RARS2: variants seen among roughly 807,000 people sequenced by gnomAD.
RARS2 encodes the protein probable arginine--tRNA ligase, mitochondrial.
In RARS2, 67 loss-of-function variants were observed where a neutral mutation model predicts 88.5. That is an observed-to-expected ratio of 0.76 (90% CI 0.62 to 0.93). The LOEUF (loss-of-function observed/expected upper bound fraction) is 0.93, where lower values mean the gene tolerates loss of function less well. Ranked by LOEUF, RARS2 falls within the 40% of genes least tolerant of loss-of-function variation. The pLI is 0.00. For synonymous variants in RARS2, 239 were observed against 230.3 expected (o/e 1.04, Z -0.34); for missense variants, 664 against 684.2 (o/e 0.97, Z 0.33).
chr6:87,555,359 C>A (rs769432110), intron 5 of RARS2, 49 bp downstream of exon 5: 11 of 1,420,994 alleles, frequency 7.7e-6, no homozygotes, highest in Non-Finnish European at 6.0e-6. Flanking sequence ...TAACACTCCT[C>A]TGCCCAGTCA....
chr6:87,568,175 T>C (rs544793380), intron 2 of RARS2, among the ~76,000 whole-genome samples: 1 of 152,324 alleles, frequency 6.6e-6, no homozygotes, highest in African/African-American at 2.4e-5. Context: ...GTTCAGCTTA[T>C]TAAAGACCTT....
chr6:87,550,762 G>A lies in RARS2; in HGVS notation c.396-2116C>T, dbSNP rs114583846. Among the ~76,000 whole-genome samples, 604 of 143,440 alleles carry A rather than the reference G, an allele frequency of 4.2e-3. 3 individuals are homozygous for A. Among genetic ancestry groups the A allele is most frequent in the African/African-American group, 0.014 (562 of 38,814 alleles). The allele number at this position is 143,440 out of a possible 152,430, so 94.1% of individuals were successfully genotyped here. A position where few individuals can be genotyped will look rare whatever the true frequency, so the allele number is the denominator to read the frequency against. ...ATGGAACAATAAAAATAATAAGCCA[G>A]CCCTGGATGCATTCATATTAAAGGA... On this transcript the variant is annotated intron_variant, in intron 5 of 19. Coordinates refer to ENST00000369536, the MANE Select transcript of RARS2 (RefSeq NM_020320.5).
chr6:87,574,664 G>A lies in RARS2; in HGVS notation c.37-5074C>T, dbSNP rs374918621. Among the ~76,000 whole-genome samples, 6 of 152,134 alleles carry A rather than the reference G, an allele frequency of 3.9e-5. No homozygotes were observed. In the East Asian group the frequency reaches 1.2e-3, roughly 29 times the overall value. ...ACAGATCAAAGAACTCTGCCCAGGA[G>A]AAAAATGTAACCCAATGAATACGAA... On this transcript the variant is annotated intron_variant, in intron 1 of 19. Coordinates refer to ENST00000369536, the MANE Select transcript of RARS2 (RefSeq NM_020320.5).
At chr6:87,556,027 G>A (rs1785761143) in intron 4 of RARS2, among the ~76,000 whole-genome samples, 1 of 152,202 alleles carries the variant, frequency 6.6e-6, no homozygotes, top group South Asian at 2.1e-4. Flanking sequence ...CCACTTCACA[G>A]TTAACCTGTT....
At chr6:87,575,879 T>TGATC (rs1420138024) in intron 1 of RARS2, among the ~76,000 whole-genome samples, 1 of 151,278 alleles carries the variant, frequency 6.6e-6, no homozygotes, top group East Asian at 1.9e-4. Context: ...GGCAATGGTG[T>TGATC]GATCGCTCAC....
At chr6:87,562,877 CAAGT>C in intron 3 of RARS2, 92 bp from the exon 4 acceptor site, 2 of 927,202 alleles carry the variant, frequency 2.2e-6, no homozygotes, top group Non-Finnish European at 3.6e-6. Flanking sequence ...TACAAAGACA[CAAGT>C]AAGTCATCTT....
intron 1 of RARS2, among the ~76,000 whole-genome samples, chr6:87,573,715 A>G (rs1770528360): frequency 6.6e-6 from 1 of 152,192 alleles, no homozygotes; most frequent in African/African-American, 2.4e-5. Context: ...AAAAACCAAG[A>G]AGACTTCCGG....
chr6:87,568,760 A>G (rs1178920914), intron 2 of RARS2, among the ~76,000 whole-genome samples: 2 of 152,332 alleles, frequency 1.3e-5, no homozygotes, highest in African/African-American at 2.4e-5. Context: ...TCTGAGAAGA[A>G]TATTCATTCT....
At chr6:87,566,849 CA>C (rs36032606) in intron 2 of RARS2, among the ~76,000 whole-genome samples, 2,067 of 60,128 alleles carry the variant, frequency 0.034, 49 homozygotes, top group African/African-American at 0.12. Context: ...GGTCCTGTCT[CA>C]AAAAAAAAAA....
intron 8 of RARS2, among the ~76,000 whole-genome samples, chr6:87,533,036 A>G (rs1350057267): frequency 1.3e-5 from 2 of 152,198 alleles, no homozygotes; most frequent in Admixed American, 6.5e-5. Context: ...ACATACATAC[A>G]TGTGCACACA....
At chr6:87,521,602 G>A in intron 11 of RARS2, 78 bp from the exon 12 acceptor site, 3 of 1,084,568 alleles carry the variant, frequency 2.8e-6, no homozygotes, top group Non-Finnish European at 2.8e-6. Context: ...TAATAGCAAT[G>A]AGCATTTTCT....
chr6:87,550,946 G>A (rs1266140378), intron 5 of RARS2, among the ~76,000 whole-genome samples: 1 of 151,992 alleles, frequency 6.6e-6, no homozygotes, highest in East Asian at 1.9e-4. Context: ...CTGAGATGGG[G>A]AAGAGCTTTC....
chr6:87,521,452 C>T lies in RARS2; in HGVS notation c.1035+12G>A, dbSNP rs1224739046. ...AGTTAAGAGATCATAACTTTTTGTT[C>T]TGATTACTTACCACATATATCATTG... On this transcript the variant is annotated intron_variant, in intron 12 of 19. Transcript: ENST00000369536. 6.3e-7 allele frequency: 1 copy of T among 1,575,436 alleles called. No homozygotes were observed. The highest frequency in any genetic ancestry group is 8.7e-7 in the Non-Finnish European group (1 of 1,145,716).
chr6:87,563,410 G>C (rs1255196384), intron 3 of RARS2, among the ~76,000 whole-genome samples: 2 of 152,160 alleles, frequency 1.3e-5, no homozygotes, highest in African/African-American at 4.8e-5. Context: ...ATCTGGGAGT[G>C]ATTTTCTGAT....
intron 10 of RARS2, 56 bp downstream of exon 10, chr6:87,529,486 C>T: frequency 8.9e-7 from 1 of 1,124,706 alleles, no homozygotes; most frequent in Non-Finnish European, 1.4e-6. Flanking sequence ...AAGGATACAT[C>T]AATAACAATT....
At chr6:87,548,248 C>CA (rs1426146814) in intron 6 of RARS2, among the ~76,000 whole-genome samples, 1 of 151,978 alleles carries the variant, frequency 6.6e-6, no homozygotes, top group Non-Finnish European at 1.5e-5. Context: ...AATAAATGAA[C>CA]AAAAAAATCT....
At chr6:87,549,127 G>C (rs1180652773) in intron 5 of RARS2, among the ~76,000 whole-genome samples, 1 of 152,090 alleles carries the variant, frequency 6.6e-6, no homozygotes, top group Admixed American at 6.6e-5. Flanking sequence ...GGCCGAGGCA[G>C]ATGGATCACT....
intron 4 of RARS2, among the ~76,000 whole-genome samples, chr6:87,558,367 C>T (rs921202505): frequency 6.6e-6 from 1 of 152,144 alleles, no homozygotes; most frequent in Non-Finnish European, 1.5e-5. Flanking sequence ...AACACTTAAC[C>T]TTATTCCCTC....
intron 1 of RARS2, among the ~76,000 whole-genome samples, chr6:87,580,482 G>A (rs192127301): frequency 6.6e-6 from 1 of 151,718 alleles, no homozygotes; most frequent in East Asian, 2.0e-4. Context: ...TTGAAAGCAA[G>A]AAGCACTTCT....
Sources: allele counts gnomAD v4.1 joint callset (sites outside exome capture counted in the v4.1 genomes callset), GRCh38; gene constraint gnomAD v4.1.1; transcripts MANE v1.5; gene names NCBI Gene and HGNC (gene_info 2026-07-23, HGNC 2026-07-21).